The following BCL2L1 variants were observed in gnomAD, a reference collection of about 807,000 sequenced individuals.
The protein encoded by BCL2L1 is BCL2 like 1, also known as bcl-2-like protein 1.
Under a neutral mutation model 18.7 loss-of-function variants are expected in BCL2L1, and 1 was observed. The ratio of observed to expected loss-of-function variants is 0.05; its 90% CI spans 0.02 to 0.25. The LOEUF is 0.25. Among genes scored for constraint, BCL2L1 ranks in the 10% least tolerant of loss-of-function variants. The probability of loss-of-function intolerance (pLI) is 1.00; values close to 1 mark genes in which losing one functional copy is unlikely to be tolerated. For synonymous variants in BCL2L1, 103 were observed against 122.7 expected (o/e 0.84, Z 1.06); for missense variants, 207 against 304.9 (o/e 0.68, Z 2.39).
At chr20:31,681,484 C>CA (rs1212701849) in intron 2 of BCL2L1, among the ~76,000 whole-genome samples, 1 of 151,986 alleles carries the variant, frequency 6.6e-6, no homozygotes, top group Non-Finnish European at 1.5e-5. Context: ...CCTATTTTTA[C>CA]AAAAAAATGA....
chr20:31,723,530 G>C (rs1375516373), upstream of BCL2L1: 3 of 984,782 alleles, frequency 3.0e-6, no homozygotes, highest in African/African-American at 1.7e-5. Flanking sequence ...TCACTAGGCC[G>C]GGTACCCGCC....
At chr20:31,720,748 A>C in intron 2 of BCL2L1, 1 of 985,122 alleles carries the variant, frequency 1.0e-6, no homozygotes, top group Non-Finnish European at 1.2e-6. Flanking sequence ...ACAGCTAGTT[A>C]CATGACAGAA....
chr20:31,683,266 C>G (rs1456963718), intron 2 of BCL2L1, among the ~76,000 whole-genome samples: 8 of 152,220 alleles, frequency 5.3e-5, no homozygotes, highest in Admixed American at 5.2e-4. Context: ...CCATTCCCAC[C>G]CTTTGGCCTC....
chr20:31,666,140 TG>T, intron 2 of BCL2L1, 54 bp from the exon 3 acceptor site: 1 of 1,601,536 alleles, frequency 6.2e-7, no homozygotes, highest in Non-Finnish European at 8.5e-7. Context: ...GTGATGTAGG[TG>T]GGTGGGGAAA....
At chr20:31,694,503 C>T (rs2061135646) in intron 2 of BCL2L1, among the ~76,000 whole-genome samples, 1 of 152,088 alleles carries the variant, frequency 6.6e-6, no homozygotes, top group African/African-American at 2.4e-5. Flanking sequence ...GTCTGAGCTG[C>T]CTCTTGGAGG....
At chr20:31,714,760 C>G (rs1406237510) in intron 2 of BCL2L1, among the ~76,000 whole-genome samples, 3 of 152,176 alleles carry the variant, frequency 2.0e-5, no homozygotes, top group Admixed American at 1.3e-4. Flanking sequence ...GAACTATTCC[C>G]AAAGAACATC....
intron 2 of BCL2L1, among the ~76,000 whole-genome samples, chr20:31,682,500 C>T (rs1568861896): frequency 6.6e-6 from 1 of 152,178 alleles, no homozygotes; most frequent in Non-Finnish European, 1.5e-5. Flanking sequence ...GGCTAGAGTG[C>T]AATCGTGTGA....
At chr20:31,716,879 CT>C (rs2061544618) in intron 2 of BCL2L1, 1 of 152,222 alleles carries the variant, frequency 6.6e-6, no homozygotes, top group Non-Finnish European at 1.5e-5. Context: ...TGGGTCTTCT[CT>C]TCCCCAGGCT....
At position 31,677,171 on chromosome 20, in the gene BCL2L1, A is replaced by G. The variant is rs954119431; in HGVS notation, c.565-11085T>C. Among the ~76,000 whole-genome samples, 16 of 149,276 alleles carry G rather than the reference A, an allele frequency of 1.1e-4. No individual in the cohort carries two copies. In the East Asian group the frequency reaches 3.1e-3, roughly 29 times the overall value. On this transcript the variant is annotated intron_variant, in intron 2 of 2. Transcript: ENST00000307677. ...CATCTGTAAAATGCGGATTAAAAAA[A>G]TCCTTATTTAATTTTTTTTTTTTTT... is the stretch of plus-strand genomic sequence containing the variant.
At chr20:31,698,789 C>T (rs1344523386) in intron 2 of BCL2L1, among the ~76,000 whole-genome samples, 5 of 152,206 alleles carry the variant, frequency 3.3e-5, no homozygotes, top group African/African-American at 1.2e-4. Flanking sequence ...ATCTGCCTGC[C>T]TCAGCCTCCT....
upstream of BCL2L1, chr20:31,722,974 C>T (rs1433670211): frequency 6.6e-6 from 1 of 152,344 alleles, no homozygotes; most frequent in African/African-American, 2.4e-5. Flanking sequence ...GGAGTACTCT[C>T]CCGGAGGTGG....
At chr20:31,666,493 C>T (rs999293806) in intron 2 of BCL2L1, among the ~76,000 whole-genome samples, 9 of 152,008 alleles carry the variant, frequency 5.9e-5, no homozygotes, top group African/African-American at 1.7e-4. Flanking sequence ...GCCTGGAAGC[C>T]GCAAGGAGCC....
rs1446853187 is a variant in BCL2L1 at position 31,722,833 on chromosome 20, C to T, written c.-346G>A. The stretch of plus-strand genomic sequence containing the variant: ...GAATTGCGAAGCTCAGGAACCAGCC[C>T]CCTCGCTTGCTTCCTCCTCCATCGC... On this transcript the variant is annotated 5_prime_UTR_variant, in exon 1 of 3. Coordinates refer to ENST00000307677, the MANE Select transcript of BCL2L1 (RefSeq NM_138578.3). 6.6e-6 allele frequency: 1 copy of T among 152,256 alleles called. No homozygotes were observed. The highest frequency in any genetic ancestry group is 1.5e-5 in the Non-Finnish European group (1 of 68,074). 9.4% of individuals were successfully genotyped at this position (152,256 alleles called of 1,614,324 possible).
At chr20:31,710,243 A>C (rs1363940891) in intron 2 of BCL2L1, among the ~76,000 whole-genome samples, 2 of 152,212 alleles carry the variant, frequency 1.3e-5, no homozygotes, top group Non-Finnish European at 2.9e-5. Flanking sequence ...GATGGTAAAC[A>C]TGTAAACATG....
At chr20:31,723,665 C>A (rs2061672057), upstream of BCL2L1, 3 of 985,558 alleles carry the variant, frequency 3.0e-6, no homozygotes, top group South Asian at 9.4e-5. Context: ...CCAGCCGGCA[C>A]GGAAGCGGGA....
At chr20:31,720,052 G>C in intron 2 of BCL2L1, 1 of 966,840 alleles carries the variant, frequency 1.0e-6, no homozygotes, top group African/African-American at 1.8e-5. Context: ...TATCCCCCTA[G>C]AGAGTTCATT....
intron 2 of BCL2L1, among the ~76,000 whole-genome samples, chr20:31,717,487 G>C (rs1297024926): frequency 6.6e-6 from 1 of 152,186 alleles, no homozygotes; most frequent in South Asian, 2.1e-4. Flanking sequence ...ACCCTGTGAT[G>C]GTAACAGAAT....
At chr20:31,672,753 T>C (rs2060691338) in intron 2 of BCL2L1, among the ~76,000 whole-genome samples, 1 of 152,218 alleles carries the variant, frequency 6.6e-6, no homozygotes, top group Non-Finnish European at 1.5e-5. Flanking sequence ...CATGATGCCC[T>C]GAGGAAAGGG....
At chr20:31,686,503 G>A (rs1256050968) in intron 2 of BCL2L1, 1 of 152,240 alleles carries the variant, frequency 6.6e-6, no homozygotes, top group African/African-American at 2.4e-5. Context: ...ATTATTTTAT[G>A]ACTCCAGCCT....
Sources: gnomAD v4.1 joint callset for allele counts (sites outside exome capture counted in the v4.1 genomes callset) on GRCh38, gnomAD v4.1.1 for gene constraint, MANE v1.5 for transcripts, NCBI Gene and HGNC (gene_info 2026-07-23, HGNC 2026-07-21) for gene names.